The following DCHS1 variants were observed in gnomAD, a reference collection of about 807,000 sequenced individuals.
DCHS1 encodes the protein protocadherin-16.
DCHS1 carries 78 observed loss-of-function variants against 213.9 expected under a neutral mutation model. The ratio of observed to expected loss-of-function variants is 0.36; its 90% CI spans 0.30 to 0.44. The LOEUF (loss-of-function observed/expected upper bound fraction) is 0.44, where lower values mean the gene tolerates loss of function less well. DCHS1 is among the 20% of genes least tolerant of loss of function. The probability of loss-of-function intolerance (pLI) is 1.00; values close to 1 mark genes in which losing one functional copy is unlikely to be tolerated. For synonymous variants in DCHS1, 1,828 were observed against 1,873.7 expected, an observed-to-expected ratio of 0.98 and a Z score of 0.63; for missense variants, 3,946 against 4,395.9, an observed-to-expected ratio of 0.90 and a Z score of 2.89.
At chr11:6,635,709 A>G (rs552162343) in intron 2 of DCHS1, among the ~76,000 whole-genome samples, 4 of 152,244 alleles carry the variant, frequency 2.6e-5, no homozygotes, top group African/African-American at 7.2e-5. Context: ...CTTCCCCTAC[A>G]TCAATCCTGG....
rs777477554 is a variant in DCHS1, at chr11:6,623,791, C to A, written c.7885G>T (p.Ala2629Ser). 3 of 1,613,988 alleles carry A rather than the reference C, an allele frequency of 1.9e-6. No homozygotes were observed. The South Asian group carries it at 3.3e-5, about 18-fold the overall frequency. The change falls in exon 21 of 21, where the codon GCT (alanine) becomes TCT (serine). Residue 2629 changes from alanine (A) to serine (S), a missense_variant. Physicochemically the swap from Ala to Ser is moderately conservative, Grantham distance 99. Around this residue, in one of 3 missense-constraint regions of DCHS1, gnomAD observed 3,384 missense variants for 3,780.1 expected, o/e 0.90. Coordinates refer to ENST00000299441, the MANE Select transcript of DCHS1 (RefSeq NM_003737.4). ...ACGAGGCCATGAGGGCCAGGGTCAGCGTCAGAGGCCTCTACATGCAGCAGC... is the reference window on the plus strand; with the variant it reads ...ACGAGGCCATGAGGGCCAGGGTCAGAGTCAGAGGCCTCTACATGCAGCAGC... ...AELLHVEASD[A>S]DPGPHGLVRF...
chr11:6,629,305 G>C, intron 12 of DCHS1, 147 bp downstream of exon 12: 1 of 1,143,722 alleles, frequency 8.7e-7, no homozygotes. Context: ...CCAAACTCTC[G>C]ACTCCCCAAA....
rs200770281 is a variant in DCHS1, at chr11:6,626,686, T to C, written c.6251-21A>G. On this transcript the variant is annotated intron_variant, in intron 14 of 20. Coordinates refer to ENST00000299441, the MANE Select transcript of DCHS1 (RefSeq NM_003737.4). This position sits in a 1 kb window ranked among gnomAD's most constrained non-coding sequence, Gnocchi z 5.2. ...AGTCCCTGCAGAAAGAACGGTATTG[T>C]TGGACTGTGAGCGCGAGACTGGGAG... 6.2e-7 allele frequency: 1 copy of C among 1,613,104 alleles called. No individual in the cohort carries two copies. The highest frequency in any genetic ancestry group is 2.2e-5 in the East Asian group (1 of 44,870).
At position 6,626,289 on chromosome 11, in the gene DCHS1, A is replaced by C; in HGVS notation, c.6456T>G (p.Phe2152Leu). ...GGGTCAGGGTCAGCACAGTGAAGGC[A>C]AAGGCTCCTCCACTCTCTGCCTGCA... ...LVLQAESGGAFAFTVLTLTLQ... is the reference protein window; with the variant it reads ...LVLQAESGGALAFTVLTLTLQ... The change falls in exon 16 of 21, where the codon TTT (phenylalanine) becomes TTG (leucine). Residue 2152 changes from phenylalanine to leucine, a missense_variant. By Grantham distance (22) the Phe-to-Leu change is conservative. Around this residue, in one of 3 missense-constraint regions of DCHS1, gnomAD observed 3,384 missense variants for 3,780.1 expected, o/e 0.90. Transcript: ENST00000299441. This position sits in a 1 kb window ranked among gnomAD's most constrained non-coding sequence, Gnocchi z 5.2. 3 of 1,613,370 alleles carry C rather than the reference A, an allele frequency of 1.9e-6. No individual in the cohort carries two copies. Among genetic ancestry groups the C allele is most frequent in the Non-Finnish European group, 2.5e-6 (3 of 1,179,626 alleles).
At position 6,655,548 on chromosome 11, in the gene DCHS1, G is replaced by T; in HGVS notation, c.-121+15C>A. 1.0e-6 allele frequency: 1 copy of T among 981,240 alleles called. No homozygotes were observed. 60.8% of individuals were successfully genotyped at this position (981,240 alleles called of 1,614,324 possible). A position where few individuals can be genotyped will look rare whatever the true frequency, so the allele number is the denominator to read the frequency against. ...CGGGCGCGGCCAGACGGGCCGGGCG[G>T]GCGCGGGCACTGACCTCCGCGCGAC... On this transcript the variant is annotated intron_variant, in intron 1 of 20. Coordinates refer to ENST00000299441, the MANE Select transcript of DCHS1 (RefSeq NM_003737.4).
Position 6,627,120 on chromosome 11 carries a change from G to T in DCHS1, c.5919C>A (p.Gly1973=). 6.2e-7 allele frequency: 1 copy of T among 1,613,086 alleles called. No individual in the cohort carries two copies. The highest frequency in any genetic ancestry group is 8.5e-7 in the Non-Finnish European group (1 of 1,179,608). ...SPLRLRLPRP[G]PSFSTPTLAL... is the part of the protein sequence containing the mutation. ...CCAGGGTTGGGGTACTGAAGCTGGG[G>T]CCTGGGCGGGGCAGACGTAGGCGCA... Residue 1973 remains glycine, a synonymous_variant, in exon 14 of 21, where the codon GGC becomes GGA. Transcript: ENST00000299441. The surrounding 1 kb of genome is among the most constrained non-coding windows in gnomAD (Gnocchi z 5.4).
Position 6,627,491 on chromosome 11 carries a change from C to A in DCHS1, c.5548G>T (p.Asp1850Tyr). The A allele has an allele frequency of 6.2e-7, 1 of 1,611,674 alleles. No individual in the cohort carries two copies. Among genetic ancestry groups the A allele is most frequent in the South Asian group, 1.1e-5 (1 of 90,696 alleles). ...LLTVTVLDAN[D>Y]HAPAFPVPAY... ...GGCACAGGAAAGGCTGGAGCATGGT[C>A]ATTGGCATCCAGCACTGTCACTGTC... Residue 1850 changes from aspartate to tyrosine, a missense_variant, in exon 14 of 21, where the codon GAC (aspartate) becomes TAC (tyrosine). Transcript: ENST00000299441. This position sits in a 1 kb window ranked among gnomAD's most constrained non-coding sequence, Gnocchi z 5.4.
At position 6,627,156 on chromosome 11, in the gene DCHS1, G is replaced by A; in HGVS notation, c.5883C>T (p.Pro1961=). The A allele has an allele frequency of 1.2e-6, 2 of 1,612,190 alleles. No individual in the cohort carries two copies. Among genetic ancestry groups the A allele is most frequent in the African/African-American group, 1.3e-5 (1 of 75,044 alleles). Residue 1961 remains proline (P), a synonymous_variant, in exon 14 of 21, where the codon CCC becomes CCT. Coordinates refer to ENST00000299441, the MANE Select transcript of DCHS1 (RefSeq NM_003737.4). This position sits in a 1 kb window ranked among gnomAD's most constrained non-coding sequence, Gnocchi z 5.4. ...GCAGACGTAGGCGCAGAGGACTGGT[G>A]GGGAAGGTGGGTGCATGGTCATTGA... The part of the protein sequence containing the change: ...RDVNDHAPTF[P]TSPLRLRLPR...
intron 1 of DCHS1, among the ~76,000 whole-genome samples, chr11:6,648,638 G>A (rs1390567540): frequency 6.6e-6 from 1 of 152,218 alleles, no homozygotes; most frequent in Non-Finnish European, 1.5e-5. Context: ...TAGCAAGGCA[G>A]GACAGGATAG....
In DCHS1 at chr11:6,631,141, C is replaced by G; in HGVS notation, c.3842G>C (p.Arg1281Pro). The G allele has an allele frequency of 6.2e-7, 1 of 1,613,376 alleles. No individual in the cohort carries two copies. The highest frequency in any genetic ancestry group is 8.5e-7 in the Non-Finnish European group (1 of 1,179,548). ...GELLTAAPLI[R>P]AERPHYVLTL... ...CAGCACATAGTGGGGCCGCTCTGCT[C>G]GGATCAGGGGAGCTGCAGTGAGCAG... Residue 1281 changes from arginine (R) to proline (P), a missense_variant, in exon 9 of 21, where the codon CGA (arginine) becomes CCA (proline). Transcript: ENST00000299441.
rs958695491 is a variant in DCHS1, at chr11:6,655,799, C to A, written c.-357G>T. On this transcript the variant is annotated 5_prime_UTR_variant, in exon 1 of 21. Coordinates refer to ENST00000299441, the MANE Select transcript of DCHS1 (RefSeq NM_003737.4). ...CTGCACAGCCGCCCCGCCGAGGATG[C>A]GAGCTCCGCTGCCGCGGCCCCGCGC... is the stretch of plus-strand genomic sequence containing the variant. 1 of 976,346 alleles carries A rather than the reference C, an allele frequency of 1.0e-6. No individual in the cohort carries two copies. The highest frequency in any genetic ancestry group is 1.2e-6 in the Non-Finnish European group (1 of 825,716). The allele number at this position is 976,346 out of a possible 1,614,324, so 60.5% of individuals were successfully genotyped here. A position where few individuals can be genotyped will look rare whatever the true frequency, so the allele number is the denominator to read the frequency against.
In DCHS1 at chr11:6,625,322, T is replaced by A; in HGVS notation, c.7022A>T (p.Gln2341Leu). 1.9e-6 allele frequency: 3 copies of A among 1,613,800 alleles called. No homozygotes were observed. The highest frequency in any genetic ancestry group is 2.5e-6 in the Non-Finnish European group (3 of 1,179,860). ...VSLTGPLDFE[Q>L]CDRYQLQLLA... Reference sequence around the variant, plus strand: ...CAGCTGCAGCTGGTAGCGGTCACACTGCTCAAAGTCCAGGGGCCCCGTGAG... The same window carrying A: ...CAGCTGCAGCTGGTAGCGGTCACACAGCTCAAAGTCCAGGGGCCCCGTGAG... Residue 2341 changes from glutamine to leucine, a missense_variant, in exon 19 of 21, where the codon CAG (glutamine) becomes CTG (leucine). Physicochemically the swap from Gln to Leu is moderately radical, Grantham distance 113. This residue lies in a region of DCHS1 where 3,384 missense variants were observed against 3,780.1 expected (regional missense o/e 0.90). Coordinates refer to ENST00000299441, the MANE Select transcript of DCHS1 (RefSeq NM_003737.4). This position sits in a 1 kb window ranked among gnomAD's most constrained non-coding sequence, Gnocchi z 5.3.
In DCHS1 at chr11:6,629,485, C is replaced by G. The variant is rs764563565; in HGVS notation, c.5128G>C (p.Asp1710His). The change falls in exon 12 of 21, where the codon GAT becomes CAT. Residue 1710 changes from aspartate to histidine, a missense_variant. Physicochemically the swap from Asp to His is moderately conservative, Grantham distance 81. Transcript: ENST00000299441. Reference sequence around the variant, plus strand: ...TTGATCTCCTCCTGTTCCTCTCGATCCAGGGCCCGAAGAGTCGTGAGAACA... The same window carrying G: ...TTGATCTCCTCCTGTTCCTCTCGATGCAGGGCCCGAAGAGTCGTGAGAACA... ...TGVLTTLRAL[D>H]REEQEEINLT... The G allele has an allele frequency of 4.3e-6, 7 of 1,612,988 alleles. No individual in the cohort carries two copies. Among genetic ancestry groups the G allele is most frequent in the African/African-American group, 1.3e-5 (1 of 74,918 alleles).
Position 6,641,856 on chromosome 11 carries a change from C to G in DCHS1, c.-120-123G>C, listed in dbSNP as rs1385557603. ...CCCAGCAGGCCCTTGTGCTGCCTCA[C>G]ACTCATCTTGGGCCACACGGATCTC... is the stretch of plus-strand genomic sequence containing the variant. On this transcript the variant is annotated intron_variant, in intron 1 of 20. Coordinates refer to ENST00000299441, the MANE Select transcript of DCHS1 (RefSeq NM_003737.4). The surrounding 1 kb of genome is among the most constrained non-coding windows in gnomAD (Gnocchi z 7.1). 1 of 842,580 alleles carries G rather than the reference C, an allele frequency of 1.2e-6. No homozygotes were observed. Among genetic ancestry groups the G allele is most frequent in the Non-Finnish European group, 1.7e-6 (1 of 574,432 alleles). The allele number at this position is 842,580 out of a possible 1,614,324, so 52.2% of individuals were successfully genotyped here. A position where few individuals can be genotyped will look rare whatever the true frequency, so the allele number is the denominator to read the frequency against.
chr11:6,642,366 T>C (rs1035775303), intron 1 of DCHS1, among the ~76,000 whole-genome samples: 2 of 152,148 alleles, frequency 1.3e-5, no homozygotes, highest in Non-Finnish European at 2.9e-5. Context: ...AACAAGTAAT[T>C]ACAAGTATGG....
Position 6,631,719 on chromosome 11 carries a change from C to T in DCHS1, c.3572G>A (p.Arg1191His), listed in dbSNP as rs376375338. ...AACATGCACAGTGCCTGTGGTGCTG[C>T]GGGGTGGGCTCCCTCCATCCTGCAC... ...VQVQDGGSPP[R>H]STTGTVHVAV... The change falls in exon 7 of 21, where the codon CGC becomes CAC. Residue 1191 changes from arginine to histidine, a missense_variant. Arg to His is a conservative substitution (Grantham distance 29, BLOSUM62 0). Around this residue, in one of 3 missense-constraint regions of DCHS1, gnomAD observed 3,384 missense variants for 3,780.1 expected, o/e 0.90. Coordinates refer to ENST00000299441, the MANE Select transcript of DCHS1 (RefSeq NM_003737.4). 84 of 1,609,622 alleles carry T rather than the reference C, an allele frequency of 5.2e-5. No homozygotes were observed. The highest frequency in any genetic ancestry group is 2.7e-4 in the East Asian group (12 of 44,804).
In DCHS1 at chr11:6,631,627, G is replaced by A. The variant is rs1328771174; in HGVS notation, c.3664C>T (p.Leu1222Phe). 1.3e-6 allele frequency: 2 copies of A among 1,577,544 alleles called. No homozygotes were observed. The highest frequency in any genetic ancestry group is 2.7e-5 in the African/African-American group (2 of 73,928). The change falls in exon 7 of 21, where the codon CTC (leucine) becomes TTC (phenylalanine). Residue 1222 changes from leucine (L) to phenylalanine (F), a missense_variant. By Grantham distance (22) the Leu-to-Phe change is conservative. Around this residue, in one of 3 missense-constraint regions of DCHS1, gnomAD observed 3,384 missense variants for 3,780.1 expected, o/e 0.90. Transcript: ENST00000299441. ...GCCACTTCACATACCTGTATAGGGA[G>A]GCCCCCACCAGCAGCTCCTGAAGCC... Reference protein sequence around the residue: ...LQASGAAGGGLPIQVPDRVPP... With the variant: ...LQASGAAGGGFPIQVPDRVPP...
In DCHS1 at chr11:6,640,693, G is replaced by C. The variant is rs201398426; in HGVS notation, c.921C>G (p.Ile307Met). Residue 307 changes from isoleucine to methionine, a missense_variant, in exon 2 of 21, where the codon ATC becomes ATG. By Grantham distance (10) the Ile-to-Met change is conservative. Coordinates refer to ENST00000299441, the MANE Select transcript of DCHS1 (RefSeq NM_003737.4). The surrounding 1 kb of genome is among the most constrained non-coding windows in gnomAD (Gnocchi z 6.5). ...ACTGCAGCAGCCCCGTGTGTGCGTC[G>C]ATGGAGAAGGGTCCATCACCCTCGC... ...RQSEGDGPFS[I>M]DAHTGLLQLE... The C allele has an allele frequency of 6.2e-7, 1 of 1,613,552 alleles. No individual in the cohort carries two copies. The highest frequency in any genetic ancestry group is 1.3e-5 in the African/African-American group (1 of 75,002).
chr11:6,642,007 A>G (rs1314386250), intron 1 of DCHS1, among the ~76,000 whole-genome samples: 1 of 151,994 alleles, frequency 6.6e-6, no homozygotes, highest in African/African-American at 2.4e-5. Flanking sequence ...CCTTCTTCCT[A>G]TTTCTAGGCT....
Sources: allele counts gnomAD v4.1 joint callset (sites outside exome capture counted in the v4.1 genomes callset), GRCh38; gene constraint gnomAD v4.1.1; regional missense constraint gnomAD v4.1.1; non-coding constraint Gnocchi (gnomAD v3.1); transcripts MANE v1.5; gene names NCBI Gene and HGNC (gene_info 2026-07-23, HGNC 2026-07-21).